The following SEZ6L variants were observed in gnomAD, a reference collection of about 807,000 sequenced individuals.
The protein encoded by SEZ6L is seizure 6-like protein.
In SEZ6L, 37 loss-of-function variants were observed where a neutral mutation model predicts 106.2. That is an observed-to-expected ratio of 0.35 (90% CI 0.27 to 0.46). SEZ6L has a LOEUF of 0.46. Ranked by LOEUF, SEZ6L falls within the 20% of genes least tolerant of loss-of-function variation. The pLI is 1.00. For missense variants in SEZ6L, 1,172 were observed against 1,332.8 expected (o/e 0.88, Z 1.88); for synonymous variants, 541 against 570.4 (o/e 0.95, Z 0.73).
intron 2 of SEZ6L, 24 bp from the exon 3 acceptor site, chr22:26,294,268 C>A: frequency 4.3e-6 from 7 of 1,612,624 alleles, no homozygotes; most frequent in Non-Finnish European, 5.9e-6. Context: ...TCTTTGGTGT[C>A]CTAATTAAAG....
At chr22:26,198,472 C>A (rs1336957237) in intron 1 of SEZ6L, among the ~76,000 whole-genome samples, 1 of 152,156 alleles carries the variant, frequency 6.6e-6, no homozygotes, top group African/African-American at 2.4e-5. Flanking sequence ...GGACAACAAG[C>A]ATAAAATAAA....
At chr22:26,181,172 T>A (rs1194249095) in intron 1 of SEZ6L, among the ~76,000 whole-genome samples, 3 of 152,160 alleles carry the variant, frequency 2.0e-5, no homozygotes, top group African/African-American at 7.2e-5. Flanking sequence ...GCAGTGTATG[T>A]GAATGGTACC....
At chr22:26,358,418 A>C (rs5997078) in intron 12 of SEZ6L, among the ~76,000 whole-genome samples, 11,610 of 152,252 alleles carry the variant, frequency 0.076, 1,562 homozygotes, top group African/African-American at 0.26. Flanking sequence ...TGCTTGGCAC[A>C]TAGCAAGTCG....
chr22:26,234,456 T>C (rs2078895681), intron 1 of SEZ6L, among the ~76,000 whole-genome samples: 1 of 152,254 alleles, frequency 6.6e-6, no homozygotes, highest in East Asian at 1.9e-4. Context: ...GCAGACCTTT[T>C]TTTTCCTTTC....
At chr22:26,342,965 T>C (rs182279882) in intron 10 of SEZ6L, among the ~76,000 whole-genome samples, 97 of 152,342 alleles carry the variant, frequency 6.4e-4, no homozygotes, top group African/African-American at 2.1e-3. Context: ...GCCTGCTACA[T>C]GTCCACCTCT....
intron 9 of SEZ6L, among the ~76,000 whole-genome samples, chr22:26,338,868 T>TTTTTTC (rs2082733597): frequency 6.4e-5 from 5 of 78,696 alleles, no homozygotes; most frequent in East Asian, 3.0e-4. Context: ...TTTTTTTTTC[T>TTTTTTC]TTTTTTTTTT....
At chr22:26,182,169 T>G (rs1481154749) in intron 1 of SEZ6L, among the ~76,000 whole-genome samples, 1 of 152,220 alleles carries the variant, frequency 6.6e-6, no homozygotes, top group Non-Finnish European at 1.5e-5. Flanking sequence ...GAAGTGTTAT[T>G]GTTCTTAATT....
rs978875391 is a variant in SEZ6L, at chr22:26,313,976, A to G, written c.2015+74A>G. On this transcript the variant is annotated intron_variant, in intron 9 of 16. Coordinates refer to ENST00000248933, the MANE Select transcript of SEZ6L (RefSeq NM_021115.5). ...TTGAGAAAGAAATTGCTCCTGCTTT[A>G]TTCTTTCAACCAATATTAACTAAGC... The G allele has an allele frequency of 3.1e-5, 46 of 1,477,368 alleles. No individual in the cohort carries two copies. The African/African-American group carries it at 6.2e-4, about 20-fold the overall frequency. The allele number at this position is 1,477,368 out of a possible 1,614,324, so 91.5% of individuals were successfully genotyped here. A position where few individuals can be genotyped will look rare whatever the true frequency, so the allele number is the denominator to read the frequency against.
chr22:26,339,520 A>G (rs778086571), intron 9 of SEZ6L, among the ~76,000 whole-genome samples: 6 of 152,192 alleles, frequency 3.9e-5, no homozygotes, highest in Non-Finnish European at 7.3e-5. Flanking sequence ...ATTTAGTGTC[A>G]AGGTACTTTC....
At chr22:26,193,440 C>A (rs184517329) in intron 1 of SEZ6L, among the ~76,000 whole-genome samples, 2 of 152,282 alleles carry the variant, frequency 1.3e-5, no homozygotes, top group Non-Finnish European at 2.9e-5. Context: ...CAATGGCTGA[C>A]CCTGGCCCAA....
chr22:26,260,354 C>T (rs956010586), intron 1 of SEZ6L, among the ~76,000 whole-genome samples: 1 of 152,142 alleles, frequency 6.6e-6, no homozygotes, highest in Non-Finnish European at 1.5e-5. Context: ...ATCCTCATAG[C>T]TTAGCTCCCA....
intron 1 of SEZ6L, among the ~76,000 whole-genome samples, chr22:26,213,299 T>G (rs1212306975): frequency 6.7e-6 from 1 of 149,374 alleles, no homozygotes; most frequent in Non-Finnish European, 1.5e-5. Context: ...AGCAAGGAAG[T>G]GAATTCAGCT....
intron 1 of SEZ6L, among the ~76,000 whole-genome samples, chr22:26,237,304 A>G (rs2078983932): frequency 6.6e-6 from 1 of 152,228 alleles, no homozygotes; most frequent in Non-Finnish European, 1.5e-5. Flanking sequence ...TGTTTCCCAC[A>G]ATGAGCAGGG....
intron 8 of SEZ6L, among the ~76,000 whole-genome samples, chr22:26,313,173 T>C (rs2081892878): frequency 6.6e-6 from 1 of 152,190 alleles, no homozygotes; most frequent in African/African-American, 2.4e-5. Context: ...CCGGGACCTG[T>C]CATAGCAACA....
In SEZ6L at chr22:26,327,420, C is replaced by T. The variant is rs549686603; in HGVS notation, c.2016-13016C>T. On this transcript the variant is annotated intron_variant, in intron 9 of 16. Coordinates refer to ENST00000248933, the MANE Select transcript of SEZ6L (RefSeq NM_021115.5). ...ACACCACATACACACCACACACACA[C>T]ACGCACAAACCACACATATGACACT... is the stretch of plus-strand genomic sequence containing the variant. Among the ~76,000 whole-genome samples the T allele has an allele frequency of 5.0e-5, 6 of 120,638 alleles. No homozygotes were observed. The East Asian group carries it at 1.5e-3, about 31-fold the overall frequency. 79.1% of individuals were successfully genotyped at this position (120,638 alleles called of 152,430 possible). A position where few individuals can be genotyped will look rare whatever the true frequency, so the allele number is the denominator to read the frequency against.
intron 9 of SEZ6L, among the ~76,000 whole-genome samples, chr22:26,333,799 T>C (rs1463297544): frequency 6.6e-6 from 1 of 152,146 alleles, no homozygotes; most frequent in Non-Finnish European, 1.5e-5. Flanking sequence ...CAGGAGGGGA[T>C]GCTGGGGGCT....
intron 1 of SEZ6L, among the ~76,000 whole-genome samples, chr22:26,222,486 A>G (rs1436859780): frequency 2.0e-5 from 3 of 152,190 alleles, no homozygotes; most frequent in Non-Finnish European, 2.9e-5. Context: ...AGAGGTGACC[A>G]GCATTATTGA....
intron 1 of SEZ6L, among the ~76,000 whole-genome samples, chr22:26,240,389 C>T (rs1269386120): frequency 1.3e-5 from 2 of 152,080 alleles, no homozygotes; most frequent in Non-Finnish European, 2.9e-5. Flanking sequence ...AATCAGCCCC[C>T]TATTCCTTGT....
chr22:26,381,339 C>G lies in SEZ6L; in HGVS notation c.*1044C>G, dbSNP rs1042945780. 3 of 152,156 alleles carry G rather than the reference C, an allele frequency of 2.0e-5. No individual in the cohort carries two copies. The South Asian group carries it at 6.2e-4, about 32-fold the overall frequency. 9.4% of individuals were successfully genotyped at this position (152,156 alleles called of 1,614,324 possible). On this transcript the variant is annotated 3_prime_UTR_variant, in exon 17 of 17. Coordinates refer to ENST00000248933, the MANE Select transcript of SEZ6L (RefSeq NM_021115.5). ...GAGGAGACTCAAGTGCACTGATTCTCTAAAAGGTGTCATCTTCAGAATATA... is the reference window on the plus strand; with the variant it reads ...GAGGAGACTCAAGTGCACTGATTCTGTAAAAGGTGTCATCTTCAGAATATA...
Sources: allele counts gnomAD v4.1 joint callset (sites outside exome capture counted in the v4.1 genomes callset), GRCh38; gene constraint gnomAD v4.1.1; transcripts MANE v1.5; gene names NCBI Gene and HGNC (gene_info 2026-07-23, HGNC 2026-07-21).